Variants in PKHD1 observed in about 807,000 individuals in gnomAD.
PKHD1 encodes fibrocystin.
A neutral mutation model predicts 412.0 loss-of-function variants in PKHD1; 291 were observed. The ratio of observed to expected loss-of-function variants is 0.71; its 90% CI spans 0.64 to 0.78. PKHD1 has a LOEUF of 0.78. Among genes scored for constraint, PKHD1 ranks in the 30% least tolerant of loss-of-function variants. PKHD1 has a pLI of 0.00. For missense variants in PKHD1, 4,825 were observed against 4,950.7 expected (o/e 0.97, Z 0.76); for synonymous variants, 1,777 against 1,821.5 (o/e 0.98, Z 0.62).
At chr6:51,645,332 T>A (rs574958381) in intron 63 of PKHD1, among the ~76,000 whole-genome samples, 1 of 152,302 alleles carries the variant, frequency 6.6e-6, no homozygotes, top group East Asian at 1.9e-4. Context: ...TTTTAAAAAA[T>A]TTTTACCAGT....
intron 60 of PKHD1, among the ~76,000 whole-genome samples, chr6:51,705,259 G>A (rs559133694): frequency 2.4e-4 from 37 of 151,810 alleles, no homozygotes; most frequent in Non-Finnish European, 4.7e-4. Flanking sequence ...ACCAGGGAGT[G>A]GACTTGGTGT....
intron 35 of PKHD1, among the ~76,000 whole-genome samples, chr6:51,981,844 C>A (rs1795367505): frequency 8.6e-6 from 1 of 116,352 alleles, no homozygotes; most frequent in African/African-American, 2.6e-5. Flanking sequence ...AGCGTCTCTG[C>A]CCGGCTGCCA....
intron 60 of PKHD1, among the ~76,000 whole-genome samples, chr6:51,669,049 T>A (rs1362354566): frequency 1.3e-5 from 2 of 152,248 alleles, no homozygotes; most frequent in Admixed American, 1.3e-4. Context: ...ATCAGGATGA[T>A]GCTGGCCTCA....
intron 47 of PKHD1, among the ~76,000 whole-genome samples, chr6:51,869,652 C>G (rs946963712): frequency 2.0e-5 from 3 of 151,662 alleles, no homozygotes; most frequent in Admixed American, 6.6e-5. Context: ...ATGAAATAGT[C>G]AAGATATTAA....
intron 52 of PKHD1, among the ~76,000 whole-genome samples, chr6:51,801,639 T>TTGTGTGTGTGTGTGTGTGTGTGTGTG (rs140197286): frequency 0.084 from 9,984 of 118,940 alleles, 654 homozygotes; most frequent in Non-Finnish European, 0.12. Flanking sequence ...GCTGGCCTGA[T>TTGTGTGTGTGTGTGTGTGTGTGTGTG]TGTGTGTGTG....
chr6:51,693,638 G>A (rs1007291914), intron 60 of PKHD1, among the ~76,000 whole-genome samples: 8 of 152,154 alleles, frequency 5.3e-5, no homozygotes, highest in Non-Finnish European at 8.8e-5. Context: ...CTGGTTCAGC[G>A]GATGAGATTG....
intron 60 of PKHD1, among the ~76,000 whole-genome samples, chr6:51,714,030 T>TC (rs1482383285): frequency 6.6e-6 from 1 of 152,164 alleles, no homozygotes; most frequent in Non-Finnish European, 1.5e-5. Context: ...GGGCAAGCAC[T>TC]ATGCTCTTCC....
intron 55 of PKHD1, among the ~76,000 whole-genome samples, chr6:51,771,207 C>T (rs6915152): frequency 0.18 from 27,071 of 151,034 alleles, 3,094 homozygotes; most frequent in African/African-American, 0.33. Flanking sequence ...GATACACACA[C>T]ACACACACAC....
intron 43 of PKHD1, among the ~76,000 whole-genome samples, chr6:51,897,927 A>C (rs572905898): frequency 1.3e-5 from 2 of 152,326 alleles, no homozygotes; most frequent in South Asian, 2.1e-4. Flanking sequence ...AGACCATTAC[A>C]TAATGGTAAA....
At chr6:52,016,853 G>A (rs183307800) in intron 34 of PKHD1, among the ~76,000 whole-genome samples, 181 of 152,282 alleles carry the variant, frequency 1.2e-3, no homozygotes, top group African/African-American at 4.0e-3. Flanking sequence ...GAAAAGGGGG[G>A]TTAACTTGGA....
chr6:51,829,896 G>T (rs573078559), intron 52 of PKHD1, among the ~76,000 whole-genome samples: 1 of 152,162 alleles, frequency 6.6e-6, no homozygotes, highest in Non-Finnish European at 1.5e-5. Flanking sequence ...ATTGCAAACC[G>T]TGGGACCCTG....
chr6:51,746,680 A>G (rs370008469), intron 59 of PKHD1, 41 bp downstream of exon 59: 1 of 1,258,996 alleles, frequency 7.9e-7, no homozygotes, highest in Non-Finnish European at 1.2e-6. Context: ...ATTGCCAAGT[A>G]CTTCATAAAT....
chr6:51,627,701 G>A (rs558410081), intron 65 of PKHD1, among the ~76,000 whole-genome samples: 130 of 152,220 alleles, frequency 8.5e-4, no homozygotes, highest in Non-Finnish European at 1.5e-3. Context: ...TCAACAACCT[G>A]TGTAACTACA....
In PKHD1 at chr6:51,883,159, G is replaced by A. The variant is rs200807210; in HGVS notation, c.7284C>T (p.Asp2428=). ...KVYSCRDFGI[D]VLESDANTSV... is the part of the protein sequence containing the mutation. ...AAGTATTTGCATCACTTTCCAAGACGTCAATTCCAAAATCTCTGCATGAAT... is the reference window on the plus strand; with the variant it reads ...AAGTATTTGCATCACTTTCCAAGACATCAATTCCAAAATCTCTGCATGAAT... The change falls in exon 46 of 67, where the codon GAC becomes GAT. Residue 2428 remains aspartate, a synonymous_variant. Transcript: ENST00000371117. The A allele has an allele frequency of 2.7e-5, 44 of 1,610,526 alleles. No individual in the cohort carries two copies. In the Middle Eastern group the frequency reaches 2.3e-3, roughly 84 times the overall value.
chr6:51,749,595 T>C (rs1250289496), intron 57 of PKHD1, among the ~76,000 whole-genome samples: 3 of 152,204 alleles, frequency 2.0e-5, no homozygotes, highest in Non-Finnish European at 4.4e-5. Flanking sequence ...CTAATTCTTA[T>C]TCATTTATTT....
At chr6:51,690,616 CAGA>C (rs1778048345) in intron 60 of PKHD1, among the ~76,000 whole-genome samples, 1 of 152,074 alleles carries the variant, frequency 6.6e-6, no homozygotes, top group Non-Finnish European at 1.5e-5. Flanking sequence ...TAGCAACAGG[CAGA>C]AGATTAAAAC....
chr6:52,011,662 A>T (rs1799844547), intron 34 of PKHD1, among the ~76,000 whole-genome samples: 1 of 152,214 alleles, frequency 6.6e-6, no homozygotes, highest in Admixed American at 6.5e-5. Context: ...TTTTCAAATC[A>T]ATGTCAAAAT....
rs1805584474 is a variant in PKHD1, at chr6:52,045,143, T to A, written c.2593-55A>T. ...GTCATGGAACCGAAATCTAATCTCG[T>A]CTAATCAAATAATAAAGAGTTTTTT... On this transcript the variant is annotated intron_variant, in intron 24 of 66. Coordinates refer to ENST00000371117, the MANE Select transcript of PKHD1 (RefSeq NM_138694.4). The A allele has an allele frequency of 4.5e-6, 7 of 1,564,208 alleles. No homozygotes were observed. The East Asian group carries it at 1.6e-4, about 35-fold the overall frequency.
chr6:51,874,049 G>A (rs1353900546), intron 46 of PKHD1, among the ~76,000 whole-genome samples: 1 of 151,970 alleles, frequency 6.6e-6, no homozygotes, highest in East Asian at 1.9e-4. Context: ...AGAATTTAGG[G>A]AAACAAAAAG....
Sources: gnomAD v4.1 joint callset for allele counts (sites outside exome capture counted in the v4.1 genomes callset) on GRCh38, gnomAD v4.1.1 for gene constraint, MANE v1.5 for transcripts, NCBI Gene and HGNC (gene_info 2026-07-23, HGNC 2026-07-21) for gene names.